MED23: variants seen among roughly 807,000 people sequenced by gnomAD.
MED23 encodes the protein mediator of RNA polymerase II transcription subunit 23.
MED23 carries 105 observed loss-of-function variants against 163.9 expected under a neutral mutation model. The observed-to-expected ratio is 0.64, with a 90% confidence interval of 0.55 to 0.75. The LOEUF is 0.75. MED23 is among the 30% of genes least tolerant of loss of function. MED23 has a pLI of 0.00. For missense variants in MED23, 1,054 were observed against 1,649.0 expected (o/e 0.64, Z 6.25); for synonymous variants, 561 against 565.6 (o/e 0.99, Z 0.12).
At chr6:131,592,978 A>G in intron 24 of MED23, 28 bp downstream of exon 24, 1 of 1,613,338 alleles carries the variant, frequency 6.2e-7, no homozygotes, top group Non-Finnish European at 8.5e-7. Context: ...TAAACAACAA[A>G]TCTTACTGCA....
At chr6:131,602,091 CA>C in intron 17 of MED23, 126 bp downstream of exon 17, 3 of 1,086,402 alleles carry the variant, frequency 2.8e-6, no homozygotes, top group Non-Finnish European at 4.1e-6. Flanking sequence ...GTGAAGATAT[CA>C]AAACAACAGG....
chr6:131,579,607 G>A, intron 30 of MED23: 1 of 234,476 alleles, frequency 4.3e-6, no homozygotes, highest in Non-Finnish European at 8.5e-6. Context: ...GTTCTTAATT[G>A]CCGATAATAT....
intron 3 of MED23, among the ~76,000 whole-genome samples, chr6:131,626,039 G>A (rs1232845421): frequency 1.3e-5 from 2 of 149,414 alleles, no homozygotes; most frequent in Non-Finnish European, 3.0e-5. Context: ...GGAGAACGGC[G>A]TGAACCCGAG....
chr6:131,582,597 C>A, downstream of MED23: 1 of 1,579,046 alleles, frequency 6.3e-7, no homozygotes. Context: ...CATACATAAC[C>A]AAGTGAAAAC....
chr6:131,599,582 TTC>T (rs1281864012), intron 18 of MED23, among the ~76,000 whole-genome samples: 4 of 152,174 alleles, frequency 2.6e-5, no homozygotes, highest in African/African-American at 7.2e-5. Context: ...AACTATTTTT[TTC>T]TCTTTTTCAA....
At chr6:131,611,155 T>C (rs549688795) in intron 10 of MED23, among the ~76,000 whole-genome samples, 1 of 152,250 alleles carries the variant, frequency 6.6e-6, no homozygotes, top group South Asian at 2.1e-4. Flanking sequence ...ATACAGATCT[T>C]TCCCCCTAAA....
Position 131,620,651 on chromosome 6 carries a change from G to C in MED23, c.574C>G (p.Pro192Ala), listed in dbSNP as rs1777030098. ...FAVTEIRKLY[P>A]EGKLPHWLLG... is the part of the protein sequence containing the mutation. ...ACCCAGTGTGGAAGTTTGCCTTCAG[G>C]ATACAGTTTCCTGATCTCAGTGACT... The change falls in exon 7 of 29, where the codon CCT becomes GCT. Residue 192 changes from proline to alanine, a missense_variant. Transcript: ENST00000368068. 3.7e-6 allele frequency: 6 copies of C among 1,612,046 alleles called. No individual in the cohort carries two copies. Among genetic ancestry groups the C allele is most frequent in the Non-Finnish European group, 5.1e-6 (6 of 1,178,580 alleles).
At chr6:131,613,114 G>T (rs1776399110) in intron 10 of MED23, among the ~76,000 whole-genome samples, 1 of 152,056 alleles carries the variant, frequency 6.6e-6, no homozygotes, top group African/African-American at 2.4e-5. Flanking sequence ...TAATTTCAAA[G>T]AGAAACTTAC....
upstream of MED23, chr6:131,628,288 C>G (rs1777671588): frequency 3.6e-6 from 2 of 552,110 alleles, no homozygotes; most frequent in Middle Eastern, 4.9e-4. Flanking sequence ...CAGAAACCAG[C>G]GGCGCCACCA....
intron 17 of MED23, among the ~76,000 whole-genome samples, chr6:131,600,854 T>C (rs925884487): frequency 1.3e-5 from 2 of 152,296 alleles, no homozygotes; most frequent in African/African-American, 4.8e-5. Flanking sequence ...ATGAAAAGGC[T>C]TTGTATTCTC....
At chr6:131,623,510 A>C in intron 4 of MED23, 48 bp from the exon 5 acceptor site, 1 of 1,482,376 alleles carries the variant, frequency 6.7e-7, no homozygotes, top group Non-Finnish European at 9.4e-7. Context: ...GAATTTTCCA[A>C]GTTCTCTAAT....
chr6:131,618,431 C>G lies in MED23; in HGVS notation c.756G>C (p.Leu252Phe). 5 of 1,613,744 alleles carry G rather than the reference C, an allele frequency of 3.1e-6. No individual in the cohort carries two copies. Among genetic ancestry groups the G allele is most frequent in the Non-Finnish European group, 4.2e-6 (5 of 1,179,774 alleles). ...KLDPATLRFP[L>F]KGLLPYDKDL... ...CCTTATCATATGGCAAAAGGCCTTT[C>G]AAAGGAAAACGAAGAGTAGCAGGAT... The change falls in exon 9 of 29, where the codon TTG (leucine) becomes TTC (phenylalanine). Residue 252 changes from leucine (L) to phenylalanine (F), a missense_variant. This residue lies in a region of MED23 where 54 missense variants were observed against 79.7 expected (regional missense o/e 0.68). Coordinates refer to ENST00000368068, the MANE Select transcript of MED23 (RefSeq NM_004830.4).
At chr6:131,600,521 T>C (rs1017148372) in intron 17 of MED23, among the ~76,000 whole-genome samples, 1 of 152,262 alleles carries the variant, frequency 6.6e-6, no homozygotes, top group Non-Finnish European at 1.5e-5. Flanking sequence ...TAAAGAAAGA[T>C]ATCTTTTTTG....
At chr6:131,601,256 A>T (rs896678693) in intron 17 of MED23, among the ~76,000 whole-genome samples, 1 of 152,224 alleles carries the variant, frequency 6.6e-6, no homozygotes, top group African/African-American at 2.4e-5. Flanking sequence ...ACGACATGAT[A>T]GCATTCCAAA....
chr6:131,592,995 A>G lies in MED23; in HGVS notation c.3398+11T>C, dbSNP rs750671737. 40 of 1,614,004 alleles carry G rather than the reference A, an allele frequency of 2.5e-5. No homozygotes were observed. Among genetic ancestry groups the G allele is most frequent in the Non-Finnish European group, 2.8e-5 (33 of 1,179,972 alleles). ...AACAACAAATCTTACTGCATGAACC[A>G]GAATACATACCTTTTTAGGACAACA... On this transcript the variant is annotated intron_variant, in intron 24 of 28. Transcript: ENST00000368068.
chr6:131,600,197 AATG>A (rs1775361602), intron 17 of MED23, 35 bp from the exon 18 acceptor site: 3 of 1,547,512 alleles, frequency 1.9e-6, no homozygotes, highest in Non-Finnish European at 2.7e-6. Flanking sequence ...TCCAGATATA[AATG>A]ATTATATCCA....
chr6:131,592,321 C>G, intron 25 of MED23, 67 bp downstream of exon 25: 1 of 1,422,836 alleles, frequency 7.0e-7, no homozygotes, highest in Non-Finnish European at 9.9e-7. Flanking sequence ...GCATCTTTTT[C>G]TTTTTGCTGA....
chr6:131,592,371 C>G lies in MED23; in HGVS notation c.3471+17G>C. On this transcript the variant is annotated intron_variant, in intron 25 of 28. Coordinates refer to ENST00000368068, the MANE Select transcript of MED23 (RefSeq NM_004830.4). ...CTGTATTTCATCACTAAGTACAAAT[C>G]ACAATTATTAACTCACTGGTAGGGC... 6.2e-7 allele frequency: 1 copy of G among 1,609,660 alleles called. No individual in the cohort carries two copies. Among genetic ancestry groups the G allele is most frequent in the Non-Finnish European group, 8.5e-7 (1 of 1,176,046 alleles).
chr6:131,583,990 T>C (rs1193053345), downstream of MED23: 1 of 1,477,658 alleles, frequency 6.8e-7, no homozygotes, highest in Non-Finnish European at 9.3e-7. Flanking sequence ...GAGTTATCCT[T>C]CTAAAGACTT....
Sources: allele counts gnomAD v4.1 joint callset (sites outside exome capture counted in the v4.1 genomes callset), GRCh38; gene constraint gnomAD v4.1.1; regional missense constraint gnomAD v4.1.1; transcripts MANE v1.5; gene names NCBI Gene and HGNC (gene_info 2026-07-23, HGNC 2026-07-21).